RC3H1: variants seen among roughly 807,000 people sequenced by gnomAD.
RC3H1 encodes roquin-1.
A neutral mutation model predicts 138.2 loss-of-function variants in RC3H1; 50 were observed. The ratio of observed to expected loss-of-function variants is 0.36; its 90% CI spans 0.29 to 0.46. The LOEUF (loss-of-function observed/expected upper bound fraction) is 0.46. Among genes scored for constraint, RC3H1 ranks in the 20% least tolerant of loss-of-function variants. RC3H1 has a pLI of 1.00. For missense variants in RC3H1, 1,031 were observed against 1,388.1 expected (o/e 0.74, Z 4.09); for synonymous variants, 462 against 489.1 (o/e 0.94, Z 0.73).
At chr1:173,975,965 A>T (rs965708475) in intron 7 of RC3H1, among the ~76,000 whole-genome samples, 2 of 147,922 alleles carry the variant, frequency 1.4e-5, no homozygotes, top group Non-Finnish European at 3.0e-5. Flanking sequence ...CATAAATTAT[A>T]TTTGAAGCTA....
At chr1:174,008,976 GAAAA>G (rs59047478) in intron 1 of RC3H1, among the ~76,000 whole-genome samples, 2 of 84,220 alleles carry the variant, frequency 2.4e-5, no homozygotes, top group Non-Finnish European at 5.2e-5. Flanking sequence ...GACTTTGTCT[GAAAA>G]AAAAAAAAAA....
intron 18 of RC3H1, among the ~76,000 whole-genome samples, chr1:173,942,150 A>T (rs1268628777): frequency 5.3e-5 from 8 of 150,450 alleles, no homozygotes; most frequent in Non-Finnish European, 8.9e-5. Flanking sequence ...GCTGAGGCAG[A>T]AGAATCACTT....
intron 7 of RC3H1, among the ~76,000 whole-genome samples, chr1:173,972,908 T>G (rs978610614): frequency 2.6e-5 from 4 of 152,156 alleles, no homozygotes; most frequent in South Asian, 2.1e-4. Flanking sequence ...CTCTCAGTGT[T>G]GAGGAGACAA....
intron 11 of RC3H1, among the ~76,000 whole-genome samples, chr1:173,962,610 T>A (rs533949898): frequency 4.6e-5 from 7 of 152,346 alleles, no homozygotes; most frequent in Non-Finnish European, 7.4e-5. Flanking sequence ...GACGTGATCT[T>A]GGAATTAAGC....
chr1:173,964,954 C>T lies in RC3H1; in HGVS notation c.1501G>A (p.Gly501Arg). Reference sequence around the variant, plus strand: ...GGAATAAGCTGTGTTACTGTATTCCCTGTTGATACAATTCCATTTGGCAGA... The same window carrying T: ...GGAATAAGCTGTGTTACTGTATTCCTTGTTGATACAATTCCATTTGGCAGA... ...PALPNGIVST[G>R]NTVTQLIPRG... is the part of the protein sequence containing the mutation. The change falls in exon 10 of 20, where the codon GGG (glycine) becomes AGG (arginine). Residue 501 changes from glycine (G) to arginine (R), a missense_variant. Physicochemically the swap from Gly to Arg is moderately radical, Grantham distance 125. Around this residue, in one of 7 missense-constraint regions of RC3H1, gnomAD observed 716 missense variants for 837.9 expected, o/e 0.85. Transcript: ENST00000367696. The T allele has an allele frequency of 6.2e-7, 1 of 1,614,138 alleles. No individual in the cohort carries two copies. Among genetic ancestry groups the T allele is most frequent in the Non-Finnish European group, 8.5e-7 (1 of 1,180,032 alleles).
At chr1:173,975,060 AT>A (rs1660515547) in intron 7 of RC3H1, among the ~76,000 whole-genome samples, 1 of 152,178 alleles carries the variant, frequency 6.6e-6, no homozygotes, top group Non-Finnish European at 1.5e-5. Context: ...TCAGTTTGAA[AT>A]GCTTATCAGA....
At chr1:173,979,109 G>A (rs951001823) in intron 6 of RC3H1, among the ~76,000 whole-genome samples, 3 of 152,162 alleles carry the variant, frequency 2.0e-5, no homozygotes, top group Admixed American at 6.6e-5. Flanking sequence ...CTTAATGGCC[G>A]TGTGTGACTA....
intron 7 of RC3H1, among the ~76,000 whole-genome samples, 158 bp from the exon 8 acceptor site, chr1:173,972,785 G>A (rs1245722702): frequency 6.6e-6 from 1 of 152,142 alleles, no homozygotes; most frequent in Non-Finnish European, 1.5e-5. Flanking sequence ...TCATTTTAAA[G>A]GAATGGACAT....
intron 13 of RC3H1, among the ~76,000 whole-genome samples, chr1:173,959,703 G>A (rs6665720): frequency 0.29 from 43,898 of 151,858 alleles, 11,346 homozygotes; most frequent in African/African-American, 0.7. Flanking sequence ...CCCAGGAGGC[G>A]GTGGTTGCAG....
chr1:174,020,135 GA>G (rs11393317), intron 1 of RC3H1, among the ~76,000 whole-genome samples: 1 of 145,236 alleles, frequency 6.9e-6, no homozygotes. Context: ...AATTAGCACA[GA>G]AAAAAAAAAA....
At chr1:173,977,143 C>G (rs1381703462) in intron 7 of RC3H1, among the ~76,000 whole-genome samples, 1 of 152,034 alleles carries the variant, frequency 6.6e-6, no homozygotes, top group Non-Finnish European at 1.5e-5. Context: ...CCAGGATGGT[C>G]TCGATCTCCT....
Position 173,946,533 on chromosome 1 carries a change from T to C in RC3H1, c.2904A>G (p.Leu968=). ...LPSAEREQLR[L]ELQQLNHQIS... ...TCTGATGGTTCAATTGCTGCAATTCTAGTCGTAGCTGTTCTCTCTCAGCAG... is the reference window on the plus strand; with the variant it reads ...TCTGATGGTTCAATTGCTGCAATTCCAGTCGTAGCTGTTCTCTCTCAGCAG... Residue 968 remains leucine (L), a synonymous_variant, in exon 17 of 20, where the codon CTA becomes CTG. Transcript: ENST00000367696. The C allele has an allele frequency of 6.2e-7, 1 of 1,614,142 alleles. No homozygotes were observed.
At chr1:173,970,044 A>G (rs771248670) in intron 9 of RC3H1, among the ~76,000 whole-genome samples, 1 of 152,180 alleles carries the variant, frequency 6.6e-6, no homozygotes, top group Non-Finnish European at 1.5e-5. Flanking sequence ...AAAATTATGT[A>G]CAGGTTGAAT....
At position 173,937,567 on chromosome 1, in the gene RC3H1, T is replaced by C. The variant is rs535583143; in HGVS notation, c.*1154A>G. The C allele has an allele frequency of 9.3e-4, 142 of 152,414 alleles. No individual in the cohort carries two copies. Among genetic ancestry groups the C allele is most frequent in the African/African-American group, 3.2e-3 (134 of 41,554 alleles). 9.4% of individuals were successfully genotyped at this position (152,414 alleles called of 1,614,324 possible). A position where few individuals can be genotyped will look rare whatever the true frequency, so the allele number is the denominator to read the frequency against. ...TTTCAATATTTTCATGAAGAAACATTTGCAACATTGGACAGTTAAGTCTAT... is the reference window on the plus strand; with the variant it reads ...TTTCAATATTTTCATGAAGAAACATCTGCAACATTGGACAGTTAAGTCTAT... On this transcript the variant is annotated 3_prime_UTR_variant, in exon 20 of 20. Transcript: ENST00000367696.
Position 173,961,706 on chromosome 1 carries a change from A to T in RC3H1, c.2202+19T>A. ...AACAGTCAAATTAAGTCTATGTAAT[A>T]AAAAAAAATACAGCATACTCTGAGG... On this transcript the variant is annotated intron_variant, in intron 12 of 19. Coordinates refer to ENST00000367696, the MANE Select transcript of RC3H1 (RefSeq NM_172071.4). 1.3e-6 allele frequency: 2 copies of T among 1,504,146 alleles called. No individual in the cohort carries two copies. The highest frequency in any genetic ancestry group is 1.8e-6 in the Non-Finnish European group (2 of 1,106,226). The allele number at this position is 1,504,146 out of a possible 1,614,324, so 93.2% of individuals were successfully genotyped here.
rs768335686 is a variant in RC3H1, at chr1:173,980,878, C to T, written c.900G>A (p.Pro300=). The T allele has an allele frequency of 2.6e-5, 42 of 1,613,922 alleles. No homozygotes were observed. The highest frequency in any genetic ancestry group is 6.7e-5 in the African/African-American group (5 of 74,904). ...IAMEAGLRIA[P]DQWSSLLYGD... ...CATAAAGCAAAGAGGACCACTGGTC[C>T]GGTGCAATTCGTAAGCCTGCTTCCA... is the stretch of plus-strand genomic sequence containing the variant. Residue 300 remains proline (P), a synonymous_variant, in exon 6 of 20, where the codon CCG becomes CCA. Transcript: ENST00000367696.
rs951243888 is a variant in RC3H1 at position 173,996,126 on chromosome 1, C to T, written c.-150-2991G>A. Among the ~76,000 whole-genome samples, 9 of 151,980 alleles carry T rather than the reference C, an allele frequency of 5.9e-5. No individual in the cohort carries two copies. In the Middle Eastern group the frequency reaches 0.01, roughly 172 times the overall value. On this transcript the variant is annotated intron_variant, in intron 1 of 19. Coordinates refer to ENST00000367696, the MANE Select transcript of RC3H1 (RefSeq NM_172071.4). ...AAAATTAGCCAGGTGTGGTGATGGG[C>T]GCCTGTAATCCCAGCTACTCGGGAG...
intron 9 of RC3H1, among the ~76,000 whole-genome samples, chr1:173,965,819 T>C (rs1660091317): frequency 6.6e-6 from 1 of 152,136 alleles, no homozygotes; most frequent in Non-Finnish European, 1.5e-5. Context: ...CAGTATGCAC[T>C]GTGAAACATT....
chr1:173,968,457 C>A (rs1157927517), intron 9 of RC3H1, among the ~76,000 whole-genome samples: 1 of 151,922 alleles, frequency 6.6e-6, no homozygotes, highest in Non-Finnish European at 1.5e-5. Flanking sequence ...TTATATACAC[C>A]CTGGAAGAGA....
Sources: gnomAD v4.1 joint callset for allele counts (sites outside exome capture counted in the v4.1 genomes callset) on GRCh38, gnomAD v4.1.1 for gene constraint, gnomAD v4.1.1 regional missense constraint, MANE v1.5 for transcripts, NCBI Gene and HGNC (gene_info 2026-07-23, HGNC 2026-07-21) for gene names.